The following SPATA16 variants were observed in gnomAD, a reference collection of about 807,000 sequenced individuals.
The protein encoded by SPATA16 is spermatogenesis associated 16, also known as spermatogenesis-associated protein 16.
In SPATA16, 36 loss-of-function variants were observed where a neutral mutation model predicts 63.3. The ratio of observed to expected loss-of-function variants is 0.57; its 90% CI spans 0.44 to 0.75. The LOEUF (loss-of-function observed/expected upper bound fraction) is 0.75, where lower values mean the gene tolerates loss of function less well. Ranked by LOEUF, SPATA16 falls within the 30% of genes least tolerant of loss-of-function variation. SPATA16 has a pLI of 0.00. For missense variants in SPATA16, 646 were observed against 679.3 expected (o/e 0.95, Z 0.54); for synonymous variants, 203 against 216.7 (o/e 0.94, Z 0.56).
intron 2 of SPATA16, among the ~76,000 whole-genome samples, chr3:173,054,682 A>G (rs1470644487): frequency 4.6e-5 from 7 of 152,144 alleles, no homozygotes; most frequent in Admixed American, 6.5e-5. Flanking sequence ...CAATAGGTGC[A>G]GCAAACCACC....
intron 6 of SPATA16, among the ~76,000 whole-genome samples, chr3:172,928,399 T>G (rs114804329): frequency 3.9e-5 from 6 of 152,234 alleles, no homozygotes; most frequent in African/African-American, 1.2e-4. Flanking sequence ...ACTATTTTGC[T>G]GAAATATTAG....
intron 3 of SPATA16, among the ~76,000 whole-genome samples, chr3:173,023,133 GTGTA>G (rs1443711244): frequency 1.4e-4 from 19 of 132,118 alleles, no homozygotes; most frequent in South Asian, 4.5e-4. Context: ...TTTGATGCTT[GTGTA>G]TGTGTGTGTG....
At chr3:172,972,667 AAACTAT>A (rs1734073783) in intron 5 of SPATA16, among the ~76,000 whole-genome samples, 1 of 151,846 alleles carries the variant, frequency 6.6e-6, no homozygotes, top group Admixed American at 6.6e-5. Flanking sequence ...TCCTGCTGAA[AAACTAT>A]AAGCTTTTTT....
At chr3:173,134,871 T>TA (rs1167547449) in intron 1 of SPATA16, among the ~76,000 whole-genome samples, 3 of 151,974 alleles carry the variant, frequency 2.0e-5, no homozygotes, top group African/African-American at 4.8e-5. Flanking sequence ...ACAGTAAATG[T>TA]AAAAAAAACA....
At chr3:173,093,376 G>T (rs964349757) in intron 2 of SPATA16, among the ~76,000 whole-genome samples, 6 of 152,038 alleles carry the variant, frequency 3.9e-5, no homozygotes, top group African/African-American at 1.4e-4. Context: ...ACAGTACATT[G>T]TTCTTCCTTT....
At chr3:172,988,762 G>T (rs941749222) in intron 4 of SPATA16, among the ~76,000 whole-genome samples, 2 of 152,098 alleles carry the variant, frequency 1.3e-5, no homozygotes, top group African/African-American at 4.8e-5. Flanking sequence ...TCAGCCTCCC[G>T]AGTAGCTGAG....
chr3:172,981,416 A>G lies in SPATA16; in HGVS notation c.849-4364T>C, dbSNP rs189753434. ...CTCTTTATAGTGGCGTTTAAGTCCTATATCATCTGGACACATGTTGCTTCT... is the reference window on the plus strand; with the variant it reads ...CTCTTTATAGTGGCGTTTAAGTCCTGTATCATCTGGACACATGTTGCTTCT... On this transcript the variant is annotated intron_variant, in intron 4 of 10. Coordinates refer to ENST00000351008, the MANE Select transcript of SPATA16 (RefSeq NM_031955.6). Among the ~76,000 whole-genome samples the G allele has an allele frequency of 1.6e-4, 25 of 152,302 alleles. 1 individual carries two copies. In the East Asian group the frequency reaches 4.4e-3, roughly 27 times the overall value.
intron 2 of SPATA16, among the ~76,000 whole-genome samples, chr3:173,099,420 A>C (rs1737437274): frequency 6.6e-6 from 1 of 152,214 alleles, no homozygotes; most frequent in Non-Finnish European, 1.5e-5. Flanking sequence ...TGTATAAGAA[A>C]AAACATAGTA....
intron 10 of SPATA16, among the ~76,000 whole-genome samples, chr3:172,895,477 AG>A (rs1731987963): frequency 1.3e-5 from 2 of 152,160 alleles, no homozygotes; most frequent in African/African-American, 4.8e-5. Context: ...CTGGGATTAC[AG>A]GCATGTGCCA....
chr3:172,916,735 AG>A (rs775167833), intron 8 of SPATA16, among the ~76,000 whole-genome samples: 4 of 152,148 alleles, frequency 2.6e-5, no homozygotes, highest in Non-Finnish European at 5.9e-5. Flanking sequence ...TTAGGGAGCT[AG>A]GCTGAGGGGA....
At position 172,956,733 on chromosome 3, in the gene SPATA16, T is replaced by C. The variant is rs753050752; in HGVS notation, c.1025A>G (p.Lys342Arg). 1 of 1,613,222 alleles carries C rather than the reference T, an allele frequency of 6.2e-7. No homozygotes were observed. Among genetic ancestry groups the C allele is most frequent in the Admixed American group, 1.7e-5 (1 of 59,948 alleles). Residue 342 changes from lysine (K) to arginine (R), a missense_variant, in exon 6 of 11, where the codon AAA becomes AGA. Physicochemically the swap from Lys to Arg is conservative, Grantham distance 26. Transcript: ENST00000351008. ...ATKIRADKIE[K>R]VKDAFTKTHP... ...AGTTTTTGTGAAAGCATCTTTTACT[T>C]TTTCTATTTTATCAGCTCTTATTTT...
chr3:173,113,001 G>A (rs1737790127), intron 2 of SPATA16, among the ~76,000 whole-genome samples: 1 of 152,168 alleles, frequency 6.6e-6, no homozygotes. Context: ...TTCTTTGAGT[G>A]TTGTTCCAAT....
intron 4 of SPATA16, among the ~76,000 whole-genome samples, chr3:172,991,447 A>G (rs1734575280): frequency 1.3e-5 from 2 of 152,200 alleles, no homozygotes; most frequent in Non-Finnish European, 2.9e-5. Flanking sequence ...CTAAGAGTCT[A>G]CAGAAAAAAA....
At chr3:173,044,418 A>G (rs1357406321) in intron 3 of SPATA16, among the ~76,000 whole-genome samples, 1 of 152,154 alleles carries the variant, frequency 6.6e-6, no homozygotes, top group Non-Finnish European at 1.5e-5. Context: ...CAGATATTTT[A>G]TTCATCTATG....
At chr3:173,031,818 T>C (rs1276001307) in intron 3 of SPATA16, among the ~76,000 whole-genome samples, 1 of 152,090 alleles carries the variant, frequency 6.6e-6, no homozygotes, top group African/African-American at 2.4e-5. Context: ...AAAAAGTTCA[T>C]GCAGTCAGTT....
chr3:173,001,781 T>C (rs1734834665), intron 4 of SPATA16, among the ~76,000 whole-genome samples: 1 of 152,194 alleles, frequency 6.6e-6, no homozygotes, highest in Admixed American at 6.5e-5. Context: ...CTCTGACTAA[T>C]CTAAAAAAAT....
At chr3:172,978,137 C>CT (rs1734209037) in intron 4 of SPATA16, among the ~76,000 whole-genome samples, 11 of 148,074 alleles carry the variant, frequency 7.4e-5, no homozygotes, top group Non-Finnish European at 1.5e-4. Flanking sequence ...CTCTCTCTCT[C>CT]CCTCTCTCTC....
At chr3:173,064,516 C>T (rs7624189) in intron 2 of SPATA16, among the ~76,000 whole-genome samples, 36,544 of 151,858 alleles carry the variant, frequency 0.24, 6,039 homozygotes, top group African/African-American at 0.48. Context: ...ACTCAAAAAC[C>T]CATTGACAAC....
At chr3:172,916,277 T>A (rs1560065808) in intron 9 of SPATA16, 40 bp downstream of exon 9, 2 of 1,598,858 alleles carry the variant, frequency 1.3e-6, no homozygotes, top group Non-Finnish European at 1.7e-6. Flanking sequence ...TTCTGTTGGC[T>A]CTGGGCCTAT....
Sources: allele counts gnomAD v4.1 joint callset (sites outside exome capture counted in the v4.1 genomes callset), GRCh38; gene constraint gnomAD v4.1.1; transcripts MANE v1.5; gene names NCBI Gene and HGNC (gene_info 2026-07-23, HGNC 2026-07-21).